Variants in SUMF1 observed in about 807,000 individuals in gnomAD.
SUMF1 encodes formylglycine-generating enzyme.
Under a neutral mutation model 47.6 loss-of-function variants are expected in SUMF1, and 48 were observed. The ratio of observed to expected loss-of-function variants is 1.01; its 90% CI spans 0.80 to 1.28. The LOEUF (loss-of-function observed/expected upper bound fraction) is 1.28. Ranked by LOEUF, SUMF1 falls within the 50% of genes most tolerant of loss-of-function variation. The pLI, the probability that SUMF1 is intolerant of heterozygous loss-of-function variation, is 0.00. For synonymous variants in SUMF1, 230 were observed against 192.1 expected (o/e 1.20, Z -1.63); for missense variants, 571 against 485.4 (o/e 1.18, Z -1.66).
chr3:4,044,023 G>A (rs1694962127), intron 9 of SUMF1, among the ~76,000 whole-genome samples: 1 of 152,042 alleles, frequency 6.6e-6, no homozygotes, highest in South Asian at 2.1e-4. Context: ...ATTTATAGCA[G>A]AAAGAGGCAC....
chr3:4,418,060 C>A lies in SUMF1; in HGVS notation c.675G>T (p.Leu225=), dbSNP rs774764639. The change falls in exon 5 of 9, where the codon CTG becomes CTT. Residue 225 remains leucine (L), a synonymous_variant. Coordinates refer to ENST00000272902, the MANE Select transcript of SUMF1 (RefSeq NM_182760.4). ...VAYCTWAGKR[L]PTEAEWEYSC... is the part of the protein sequence containing the mutation. Reference sequence around the variant, plus strand: ...TGTATTCCCACTCAGCTTCCGTGGGCAGCCGCTTCCCTGCCCAAGTGCAGT... The same window carrying A: ...TGTATTCCCACTCAGCTTCCGTGGGAAGCCGCTTCCCTGCCCAAGTGCAGT... 6 of 1,614,074 alleles carry A rather than the reference C, an allele frequency of 3.7e-6. No individual in the cohort carries two copies. The highest frequency in any genetic ancestry group is 5.1e-6 in the Non-Finnish European group (6 of 1,180,022).
At chr3:4,344,476 A>C (rs993620509) in intron 8 of SUMF1, among the ~76,000 whole-genome samples, 1 of 152,182 alleles carries the variant, frequency 6.6e-6, no homozygotes, top group Non-Finnish European at 1.5e-5. Flanking sequence ...ACAAGCAGAA[A>C]GTGACAACAA....
At chr3:4,416,759 C>T (rs566077419) in intron 6 of SUMF1, among the ~76,000 whole-genome samples, 2 of 152,288 alleles carry the variant, frequency 1.3e-5, no homozygotes, top group East Asian at 3.9e-4. Flanking sequence ...CAGCACATTG[C>T]AAGCACTCAA....
chr3:4,318,671 G>A (rs888756322), intron 8 of SUMF1, among the ~76,000 whole-genome samples: 16 of 152,174 alleles, frequency 1.1e-4, no homozygotes, highest in Non-Finnish European at 1.5e-4. Context: ...ACTTTGGGAG[G>A]CCAAAGCAGA....
chr3:4,424,651 C>T (rs966136639), intron 3 of SUMF1, among the ~76,000 whole-genome samples: 1 of 152,070 alleles, frequency 6.6e-6, no homozygotes, highest in Non-Finnish European at 1.5e-5. Flanking sequence ...GAATACTATA[C>T]GGCTAGTTAT....
In SUMF1 at chr3:4,467,261, A is replaced by C. The variant is rs1250829612; in HGVS notation, c.-16T>G. 6.2e-7 allele frequency: 1 copy of C among 1,604,218 alleles called. No individual in the cohort carries two copies. Among genetic ancestry groups the C allele is most frequent in the African/African-American group, 1.3e-5 (1 of 74,716 alleles). ...GCGCAGCCATGTTGTCCCGCGGGCC[A>C]TGTGACCCGGTTGGTCACGTGGCTG... On this transcript the variant is annotated 5_prime_UTR_variant, in exon 1 of 9. It removes an upstream start codon present in the reference 5' UTR. Coordinates refer to ENST00000272902, the MANE Select transcript of SUMF1 (RefSeq NM_182760.4).
At chr3:4,257,816 C>A (rs1461273374) in intron 8 of SUMF1, among the ~76,000 whole-genome samples, 1 of 151,772 alleles carries the variant, frequency 6.6e-6, no homozygotes, top group African/African-American at 2.4e-5. Flanking sequence ...CAATCCTAAG[C>A]CAAAAGAACA....
chr3:4,083,051 C>T (rs1011947576), intron 8 of SUMF1, among the ~76,000 whole-genome samples: 2 of 152,084 alleles, frequency 1.3e-5, no homozygotes, highest in East Asian at 1.9e-4. Context: ...GGGTCTAGAA[C>T]ATTAGAGACA....
chr3:4,303,684 G>A (rs1281190145), intron 8 of SUMF1: 2 of 1,495,626 alleles, frequency 1.3e-6, no homozygotes, highest in Middle Eastern at 2.0e-4. Context: ...GCCCCGGCCT[G>A]GGCCTTTTTC....
At chr3:4,073,669 A>G (rs930442173) in intron 8 of SUMF1, among the ~76,000 whole-genome samples, 11 of 152,172 alleles carry the variant, frequency 7.2e-5, no homozygotes, top group Admixed American at 3.9e-4. Flanking sequence ...AAGCAAAAAC[A>G]AAAAGCAGGG....
At chr3:4,290,727 T>C (rs1697724911) in intron 8 of SUMF1, among the ~76,000 whole-genome samples, 1 of 152,196 alleles carries the variant, frequency 6.6e-6, no homozygotes, top group South Asian at 2.1e-4. Context: ...CTTCATATTG[T>C]ATAGTCTTAT....
chr3:4,411,497 C>T (rs922830035), intron 6 of SUMF1, among the ~76,000 whole-genome samples: 2 of 152,062 alleles, frequency 1.3e-5, no homozygotes, highest in African/African-American at 4.8e-5. Context: ...AAGGGGATTT[C>T]TTTTTATAAA....
chr3:4,356,246 C>T (rs1352366243), downstream of SUMF1, among the ~76,000 whole-genome samples: 1 of 152,092 alleles, frequency 6.6e-6, no homozygotes, highest in Admixed American at 6.5e-5. Context: ...TGGTTTGTAT[C>T]CAGAGAATTA....
chr3:4,137,200 C>T (rs1398006726), intron 8 of SUMF1, among the ~76,000 whole-genome samples: 1 of 152,026 alleles, frequency 6.6e-6, no homozygotes, highest in African/African-American at 2.4e-5. Flanking sequence ...CTATTCACAA[C>T]AGCAAAGACT....
In SUMF1 at chr3:4,278,696, C is replaced by A. The variant is rs556715369; in HGVS notation, c.1014+97634G>T. 2.0e-5 allele frequency among the ~76,000 whole-genome samples: 3 copies of A among 152,116 alleles called. No homozygotes were observed. The East Asian group carries it at 5.8e-4, about 29-fold the overall frequency. On this transcript the variant is annotated intron_variant and NMD_transcript_variant, in intron 8 of 12. Coordinates refer to the SUMF1 transcript ENST00000448413. ...AACCAAGATTAGATAAATTAACAAG[C>A]AAAAAGCAAGCTTATTTGTCACATC...
intron 8 of SUMF1, among the ~76,000 whole-genome samples, chr3:4,097,963 AC>A (rs1221185027): frequency 6.6e-6 from 1 of 152,112 alleles, no homozygotes; most frequent in Admixed American, 6.5e-5. Context: ...AATCTGATCA[AC>A]ACCCTGACTA....
chr3:4,175,344 C>T (rs1029237915), intron 8 of SUMF1, among the ~76,000 whole-genome samples: 2 of 152,106 alleles, frequency 1.3e-5, no homozygotes, highest in Admixed American at 6.6e-5. Flanking sequence ...GAGGAAGGAT[C>T]AGGCAGCAAT....
chr3:4,231,084 T>G (rs1056620502), intron 8 of SUMF1, among the ~76,000 whole-genome samples: 1 of 152,110 alleles, frequency 6.6e-6, no homozygotes, highest in African/African-American at 2.4e-5. Context: ...TAACAGATAT[T>G]CCTGAACAAT....
intron 8 of SUMF1, among the ~76,000 whole-genome samples, chr3:4,285,908 T>G (rs1206920357): frequency 6.6e-6 from 1 of 152,158 alleles, no homozygotes; most frequent in Non-Finnish European, 1.5e-5. Flanking sequence ...ATAATTTAAA[T>G]TCATTAATTC....
Sources: gnomAD v4.1 joint callset for allele counts (sites outside exome capture counted in the v4.1 genomes callset) on GRCh38, gnomAD v4.1.1 for gene constraint, MANE v1.5 for transcripts, NCBI Gene and HGNC (gene_info 2026-07-23, HGNC 2026-07-21) for gene names.